Variants in CUBN observed in about 807,000 individuals in gnomAD.
CUBN encodes the protein 460 kDa receptor.
CUBN carries 282 observed loss-of-function variants against 405.3 expected under a neutral mutation model. The observed-to-expected ratio is 0.70, with a 90% CI of 0.63 to 0.77. The LOEUF is 0.77. Among genes scored for constraint, CUBN ranks in the 30% least tolerant of loss-of-function variants. The pLI is 0.00. For missense variants in CUBN, 4,514 were observed against 4,475.2 expected, an observed-to-expected ratio of 1.01 and a Z score of -0.25; for synonymous variants, 1,684 against 1,617.0, an observed-to-expected ratio of 1.04 and a Z score of -0.99.
In CUBN at chr10:16,866,744, G is replaced by A. The variant is rs574007280; in HGVS notation, c.9454+2892C>T. ...GCATTGGAGCACAGGGGGGAGACAA[G>A]CAGGCACATTTCCATTGCAGTTAGA... On this transcript the variant is annotated intron_variant, in intron 59 of 66. Transcript: ENST00000377833. 1.1e-4 allele frequency among the ~76,000 whole-genome samples: 16 copies of A among 152,292 alleles called. No individual in the cohort carries two copies. In the East Asian group the frequency reaches 2.9e-3, roughly 28 times the overall value.
At chr10:17,040,079 G>A (rs1393003572) in intron 27 of CUBN, among the ~76,000 whole-genome samples, 1 of 152,040 alleles carries the variant, frequency 6.6e-6, no homozygotes, top group East Asian at 1.9e-4. Context: ...TTTTTCCTGG[G>A]AATATGACCC....
Position 16,947,261 on chromosome 10 carries a change from A to G in CUBN, c.5316T>C (p.Pro1772=), listed in dbSNP as rs1842812614. ...VECVWNIVSS[P]GNRLQLSFIS... ...TAAAAGACAGCTGGAGCCGGTTGCC[A>G]GGGGAACTGACGATGTTCCAGACAC... is the stretch of plus-strand genomic sequence containing the variant. Residue 1772 remains proline, a synonymous_variant, in exon 36 of 67, where the codon CCT becomes CCC. Transcript: ENST00000377833. 6.2e-7 allele frequency: 1 copy of G among 1,614,190 alleles called. No individual in the cohort carries two copies. Among genetic ancestry groups the G allele is most frequent in the Non-Finnish European group, 8.5e-7 (1 of 1,180,008 alleles).
In CUBN at chr10:16,915,855, T is replaced by G; in HGVS notation, c.7176A>C (p.Lys2392Asn). The G allele has an allele frequency of 6.2e-7, 1 of 1,613,866 alleles. No homozygotes were observed. Among genetic ancestry groups the G allele is most frequent in the Non-Finnish European group, 8.5e-7 (1 of 1,179,956 alleles). Residue 2392 changes from lysine (K) to asparagine (N), a missense_variant, in exon 46 of 67, where the codon AAA becomes AAC. Around this residue, in one of 5 missense-constraint regions of CUBN, gnomAD observed 1,613 missense variants for 1,542.8 expected, o/e 1.05. Coordinates refer to ENST00000377833, the MANE Select transcript of CUBN (RefSeq NM_001081.4). ...GATTGTCCCAGATCTCCACGAAGTC[T>G]TTTTCACAGCCAGAAGAATTCTGAA... ...FNLQNSSGCEKDFVEIWDNHT... is the reference protein window; with the variant it reads ...FNLQNSSGCENDFVEIWDNHT...
At chr10:17,041,369 C>G (rs984891260) in intron 26 of CUBN, 149 bp from the exon 27 acceptor site, 1 of 653,464 alleles carries the variant, frequency 1.5e-6, no homozygotes, top group African/African-American at 1.8e-5. Context: ...TGTATATATA[C>G]ACACACAGAG....
chr10:16,890,673 T>C lies in CUBN; in HGVS notation c.8599-146A>G, dbSNP rs868279609. The C allele has an allele frequency of 8.6e-5, 73 of 847,502 alleles. 1 individual carries two copies. Among genetic ancestry groups the C allele is most frequent in the South Asian group, 7.4e-4 (52 of 70,620 alleles). The allele number at this position is 847,502 out of a possible 1,614,324, so 52.5% of individuals were successfully genotyped here. Reference sequence around the variant, plus strand: ...ACATGGACAAATCTGTAGTATTTTCTTTTGAGAATAATTTTTTTAAAGCTG... The same window carrying C: ...ACATGGACAAATCTGTAGTATTTTCCTTTGAGAATAATTTTTTTAAAGCTG... On this transcript the variant is annotated intron_variant, in intron 54 of 66. Transcript: ENST00000377833.
chr10:16,907,978 G>C (rs562259320), intron 48 of CUBN, among the ~76,000 whole-genome samples: 2 of 152,164 alleles, frequency 1.3e-5, no homozygotes, highest in Non-Finnish European at 2.9e-5. Context: ...TCAATGTAAA[G>C]GAGATGAGCC....
chr10:17,040,046 A>C (rs1834982986), intron 27 of CUBN, among the ~76,000 whole-genome samples: 1 of 152,178 alleles, frequency 6.6e-6, no homozygotes, highest in Non-Finnish European at 1.5e-5. Context: ...CACAATTAAG[A>C]ACATTTTACA....
At chr10:16,872,736 T>C (rs1475104654) in intron 58 of CUBN, among the ~76,000 whole-genome samples, 1 of 152,218 alleles carries the variant, frequency 6.6e-6, no homozygotes, top group African/African-American at 2.4e-5. Context: ...TAATCAATCC[T>C]ACACATATGA....
chr10:16,901,875 A>G (rs1235169892), intron 51 of CUBN, among the ~76,000 whole-genome samples: 1 of 121,138 alleles, frequency 8.3e-6, no homozygotes, highest in South Asian at 2.5e-4. Flanking sequence ...TATTATATAT[A>G]TACACCATAT....
chr10:16,837,538 G>A (rs1284989732), intron 62 of CUBN, among the ~76,000 whole-genome samples: 1 of 151,916 alleles, frequency 6.6e-6, no homozygotes, highest in African/African-American at 2.4e-5. Flanking sequence ...CCCTTTAGAG[G>A]TTTCTGTGTT....
At chr10:17,038,346 C>T (rs1834942785) in intron 27 of CUBN, among the ~76,000 whole-genome samples, 1 of 152,152 alleles carries the variant, frequency 6.6e-6, no homozygotes, top group South Asian at 2.1e-4. Context: ...AGGTTGATTC[C>T]CCATGTTTGC....
rs1284617066 is a variant in CUBN at position 16,840,400 on chromosome 10, G to T, written c.9962C>A (p.Thr3321Asn). The T allele has an allele frequency of 1.2e-6, 2 of 1,614,158 alleles. No individual in the cohort carries two copies. The change falls in exon 62 of 67, where the codon ACT becomes AAT. Residue 3321 changes from threonine (T) to asparagine (N), a missense_variant. Thr to Asn is a moderately conservative substitution (Grantham distance 65, BLOSUM62 0). Around this residue, in one of 5 missense-constraint regions of CUBN, gnomAD observed 1,186 missense variants for 1,186.9 expected, o/e 1.00. Transcript: ENST00000377833. The stretch of plus-strand genomic sequence containing the variant: ...CGAGGTCAGCTGTAATGCCCACACA[G>T]TTATCTTGACCTGCTGATGCGGAGG... ...DSPPHQQVKI[T>N]VWALQLTSQD...
At chr10:16,908,266 C>T (rs1841613730) in intron 48 of CUBN, among the ~76,000 whole-genome samples, 1 of 152,052 alleles carries the variant, frequency 6.6e-6, no homozygotes, top group Admixed American at 6.6e-5. Context: ...CTGCCTCAGC[C>T]TCCCAAGCAG....
At chr10:17,129,375 C>A in intron 1 of CUBN, 125 bp from the exon 2 acceptor site, 1 of 1,153,006 alleles carries the variant, frequency 8.7e-7, no homozygotes, top group Non-Finnish European at 1.3e-6. Context: ...CATCTCAACC[C>A]AACTGCCCCT....
intron 50 of CUBN, 85 bp downstream of exon 50, chr10:16,906,118 C>T: frequency 9.0e-7 from 1 of 1,116,864 alleles, no homozygotes; most frequent in East Asian, 2.5e-5. Context: ...TGTCTCAAAA[C>T]AACAACAACA....
intron 62 of CUBN, among the ~76,000 whole-genome samples, chr10:16,838,826 A>T (rs1407814517): frequency 1.3e-5 from 2 of 152,136 alleles, no homozygotes; most frequent in African/African-American, 4.8e-5. Flanking sequence ...TTGTATTTTC[A>T]GTAGAGGCAG....
intron 28 of CUBN, among the ~76,000 whole-genome samples, chr10:16,993,888 T>C (rs1833660753): frequency 6.6e-6 from 1 of 152,220 alleles, no homozygotes; most frequent in Non-Finnish European, 1.5e-5. Context: ...CAGTTAGGGC[T>C]TGAAATCTCT....
rs775788938 is a variant in CUBN, at chr10:17,084,382, G to C, written c.2190C>G (p.His730Gln). Residue 730 changes from histidine (H) to glutamine (Q), a missense_variant, in exon 17 of 67, where the codon CAC becomes CAG. This residue lies in a region of CUBN where 1,448 missense variants were observed against 1,388.0 expected (regional missense o/e 1.04). Coordinates refer to ENST00000377833, the MANE Select transcript of CUBN (RefSeq NM_001081.4). ...TCATCATATAGACGCATTGCCTGGT[G>C]TGAGTGAAAGGCCCAGACAACTCAG... ...FLPELSGPFT[H>Q]TRQCVYMMKQ... 3 of 1,614,112 alleles carry C rather than the reference G, an allele frequency of 1.9e-6. No individual in the cohort carries two copies. Among genetic ancestry groups the C allele is most frequent in the Non-Finnish European group, 2.5e-6 (3 of 1,180,010 alleles).
At chr10:16,935,549 C>G (rs941637747) in intron 39 of CUBN, among the ~76,000 whole-genome samples, 1 of 151,960 alleles carries the variant, frequency 6.6e-6, no homozygotes, top group African/African-American at 2.4e-5. Flanking sequence ...AATAAATATG[C>G]GTTGATTTAA....
Sources: allele counts gnomAD v4.1 joint callset (sites outside exome capture counted in the v4.1 genomes callset), GRCh38; gene constraint gnomAD v4.1.1; regional missense constraint gnomAD v4.1.1; transcripts MANE v1.5; gene names NCBI Gene and HGNC (gene_info 2026-07-23, HGNC 2026-07-21).